The following EPN2 variants were observed in gnomAD, a reference collection of about 807,000 sequenced individuals.
The protein encoded by EPN2 is epsin-2.
In EPN2, 34 loss-of-function variants were observed where a neutral mutation model predicts 61.7. That is an observed-to-expected ratio of 0.55 (90% CI 0.42 to 0.73). The LOEUF is 0.73. Among genes scored for constraint, EPN2 ranks in the 30% least tolerant of loss-of-function variants. The probability of loss-of-function intolerance (pLI) is 0.00; values close to 1 mark genes in which losing one functional copy is unlikely to be tolerated. For synonymous variants in EPN2, 349 were observed against 353.6 expected (o/e 0.99, Z 0.15); for missense variants, 714 against 839.2 (o/e 0.85, Z 1.84).
intron 7 of EPN2, among the ~76,000 whole-genome samples, chr17:19,322,396 T>G (rs1386930910): frequency 3.3e-5 from 5 of 152,316 alleles, no homozygotes; most frequent in East Asian, 3.9e-4. Flanking sequence ...CTCCTAGTGC[T>G]GCTACAGCTA....
intron 4 of EPN2, among the ~76,000 whole-genome samples, chr17:19,295,042 ATC>A (rs1211575905): frequency 1.3e-5 from 2 of 152,016 alleles, no homozygotes; most frequent in East Asian, 3.9e-4. Flanking sequence ...TATAAGTTAA[ATC>A]TCTCTCTGTA....
chr17:19,335,387 T>C lies in EPN2; in HGVS notation c.*1133T>C. The C allele has an allele frequency of 6.5e-7, 1 of 1,547,518 alleles. No homozygotes were observed. Among genetic ancestry groups the C allele is most frequent in the African/African-American group, 1.4e-5 (1 of 73,082 alleles). ...GACTCACCAATTTTTATCAACTAAT[T>C]CCTTTTTTTTATTAAAGGCATGCAG... is the stretch of plus-strand genomic sequence containing the variant. On this transcript the variant is annotated 3_prime_UTR_variant, in exon 11 of 11. Coordinates refer to ENST00000314728, the MANE Select transcript of EPN2 (RefSeq NM_014964.5).
chr17:19,318,566 A>AAAAAAAAAAAAAAAAAAAAAAAC (rs1187317882), intron 7 of EPN2, among the ~76,000 whole-genome samples: 1 of 148,604 alleles, frequency 6.7e-6, no homozygotes. Context: ...AAAAAAAAAA[A>AAAAAAAAAAAAAAAAAAAAAAAC]AGAGTAGGGG....
At chr17:19,258,624 C>G (rs1164101459) in intron 1 of EPN2, among the ~76,000 whole-genome samples, 1 of 152,174 alleles carries the variant, frequency 6.6e-6, no homozygotes, top group East Asian at 1.9e-4. Context: ...TTGCCTGAGA[C>G]TCAGCAGCTA....
chr17:19,290,700 C>CAAAAAAAAAAA (rs757256478), intron 4 of EPN2, among the ~76,000 whole-genome samples: 15 of 40,974 alleles, frequency 3.7e-4, no homozygotes, highest in Non-Finnish European at 5.8e-4. Context: ...TTCCCGTTCT[C>CAAAAAAAAAAA]AAAAAAAAAA....
intron 1 of EPN2, among the ~76,000 whole-genome samples, chr17:19,256,827 A>T (rs2045085492): frequency 1.3e-5 from 2 of 152,180 alleles, no homozygotes; most frequent in Admixed American, 6.5e-5. Flanking sequence ...TTGGAGCCTG[A>T]TTTGTGCTTA....
intron 1 of EPN2, among the ~76,000 whole-genome samples, chr17:19,252,308 G>C (rs1428403984): frequency 3.9e-5 from 6 of 152,138 alleles, no homozygotes; most frequent in Non-Finnish European, 8.8e-5. Context: ...TGAGCCACCA[G>C]AGTTTGACAG....
chr17:19,281,373 C>T (rs1434673522), intron 1 of EPN2, among the ~76,000 whole-genome samples: 1 of 152,178 alleles, frequency 6.6e-6, no homozygotes, highest in African/African-American at 2.4e-5. Context: ...GAATCCCTGC[C>T]AAGTGCCCGG....
intron 4 of EPN2, chr17:19,303,678 T>C (rs1448032395): frequency 6.6e-6 from 1 of 152,282 alleles, no homozygotes; most frequent in Non-Finnish European, 1.5e-5. Flanking sequence ...CTTTGTGGTT[T>C]GTCCCTGTGT....
chr17:19,283,091 G>A lies in EPN2; in HGVS notation c.-29G>A, dbSNP rs1184035048. The A allele has an allele frequency of 3.2e-6, 5 of 1,551,512 alleles. No individual in the cohort carries two copies. The highest frequency in any genetic ancestry group is 4.4e-6 in the Non-Finnish European group (5 of 1,133,272). ...ACAGGAAGGTTTCTCTGTTTGAAGG[G>A]CTTTAAACTTATAACAAAGAAAATA... On this transcript the variant is annotated 5_prime_UTR_variant, in exon 3 of 11. Transcript: ENST00000314728. The surrounding 1 kb of genome is among the most constrained non-coding windows in gnomAD (Gnocchi z 7.0).
At chr17:19,242,132 G>GAAA (rs5819664) in intron 1 of EPN2, among the ~76,000 whole-genome samples, 96 of 115,340 alleles carry the variant, frequency 8.3e-4, no homozygotes, top group African/African-American at 2.6e-3. Context: ...TGTTTGATCT[G>GAAA]AAAAAAAAAA....
chr17:19,306,750 T>C (rs1905862808), intron 4 of EPN2, among the ~76,000 whole-genome samples: 1 of 152,182 alleles, frequency 6.6e-6, no homozygotes, highest in Admixed American at 6.5e-5. Context: ...AGTACCAGCT[T>C]CCCTGCCAGG....
At chr17:19,250,583 A>G (rs1003499285) in intron 1 of EPN2, among the ~76,000 whole-genome samples, 2 of 152,078 alleles carry the variant, frequency 1.3e-5, no homozygotes, top group Admixed American at 6.6e-5. Flanking sequence ...AAATCAGAAC[A>G]CTTGGCAGCC....
intron 1 of EPN2, among the ~76,000 whole-genome samples, chr17:19,272,594 G>T (rs1255866787): frequency 6.6e-6 from 1 of 152,118 alleles, no homozygotes; most frequent in Non-Finnish European, 1.5e-5. Context: ...GTGCTACAGA[G>T]CGGTCGCAGC....
rs1392454413 is a variant in EPN2 at position 19,329,593 on chromosome 17, A to G, written c.1357A>G (p.Thr453Ala). The stretch of plus-strand genomic sequence containing the variant: ...TGAGCTCTTCAGTAATCTGAATGGT[A>G]CAATTAAAGATGACTTTTCTGAATT... ...SFELFSNLNG[T>A]IKDDFSEFDN... The change falls in exon 9 of 11, where the codon ACA (threonine) becomes GCA (alanine). Residue 453 changes from threonine to alanine, a missense_variant. Thr to Ala is a moderately conservative substitution (Grantham distance 58, BLOSUM62 0). Transcript: ENST00000314728. 6.2e-7 allele frequency: 1 copy of G among 1,613,428 alleles called. No homozygotes were observed. Among genetic ancestry groups the G allele is most frequent in the Non-Finnish European group, 8.5e-7 (1 of 1,179,482 alleles).
intron 7 of EPN2, among the ~76,000 whole-genome samples, chr17:19,322,744 A>G (rs1236874209): frequency 6.7e-6 from 1 of 148,490 alleles, no homozygotes; most frequent in African/African-American, 2.6e-5. Context: ...TGTCTCTAAA[A>G]AAAAAAAAAA....
At position 19,285,915 on chromosome 17, in the gene EPN2, C is replaced by G. The variant is rs191038987; in HGVS notation, c.766+125C>G. 1 of 1,401,874 alleles carries G rather than the reference C, an allele frequency of 7.1e-7. No individual in the cohort carries two copies. The highest frequency in any genetic ancestry group is 2.8e-5 in the East Asian group (1 of 35,888). 86.8% of individuals were successfully genotyped at this position (1,401,874 alleles called of 1,614,324 possible). On this transcript the variant is annotated intron_variant, in intron 4 of 10. Transcript: ENST00000314728. The surrounding 1 kb of genome is among the most constrained non-coding windows in gnomAD (Gnocchi z 4.5). Reference sequence around the variant, plus strand: ...CTGGGCCTGGGGGTTTGGCCTCCAGCAGGCCCAGGAGCCCTTTCTTCCTCT... The same window carrying G: ...CTGGGCCTGGGGGTTTGGCCTCCAGGAGGCCCAGGAGCCCTTTCTTCCTCT...
chr17:19,240,407 G>A (rs1401966325), intron 1 of EPN2, among the ~76,000 whole-genome samples: 3 of 152,048 alleles, frequency 2.0e-5, no homozygotes, highest in African/African-American at 7.2e-5. Context: ...CACCATGCCC[G>A]GCTAATTTTT....
intron 1 of EPN2, among the ~76,000 whole-genome samples, chr17:19,258,737 C>T (rs953924452): frequency 4.6e-5 from 7 of 152,124 alleles, no homozygotes; most frequent in South Asian, 2.1e-4. Flanking sequence ...GTGGACAGCG[C>T]GGTTTGTGAG....
Sources: gnomAD v4.1 joint callset for allele counts (sites outside exome capture counted in the v4.1 genomes callset) on GRCh38, gnomAD v4.1.1 for gene constraint, Gnocchi (gnomAD v3.1) non-coding constraint, MANE v1.5 for transcripts, NCBI Gene and HGNC (gene_info 2026-07-23, HGNC 2026-07-21) for gene names.